Variants in TULP4 observed in about 807,000 individuals in gnomAD.
The protein encoded by TULP4 is tubby-related protein 4.
In TULP4, 16 loss-of-function variants were observed where a neutral mutation model predicts 129.0. That is an observed-to-expected ratio of 0.12 (90% CI 0.08 to 0.19). The LOEUF (loss-of-function observed/expected upper bound fraction) is 0.19. TULP4 is among the 10% of genes least tolerant of loss of function. The probability of loss-of-function intolerance (pLI) is 1.00; values close to 1 mark genes in which losing one functional copy is unlikely to be tolerated. For synonymous variants in TULP4, 998 were observed against 854.0 expected, an observed-to-expected ratio of 1.17 and a Z score of -2.94; for missense variants, 1,842 against 2,059.1, an observed-to-expected ratio of 0.89 and a Z score of 2.04.
At chr6:158,480,843 T>C (rs536853323) in intron 7 of TULP4, among the ~76,000 whole-genome samples, 1 of 152,326 alleles carries the variant, frequency 6.6e-6, no homozygotes, top group South Asian at 2.1e-4. Flanking sequence ...GGTTTAGATA[T>C]GCTTCGAAAG....
chr6:158,414,484 T>C (rs1382778952), intron 2 of TULP4, among the ~76,000 whole-genome samples: 2 of 103,864 alleles, frequency 1.9e-5, no homozygotes, highest in Non-Finnish European at 5.3e-5. Flanking sequence ...TTGCATCTTA[T>C]CACAGTGCCT....
At chr6:158,353,455 TTTTTGAAA>T (rs1476337897) in intron 1 of TULP4, among the ~76,000 whole-genome samples, 1 of 152,246 alleles carries the variant, frequency 6.6e-6, no homozygotes, top group Non-Finnish European at 1.5e-5. Context: ...TATGTATAAT[TTTTTGAAA>T]TTTTGAAACC....
At chr6:158,478,869 T>C (rs993323599) in intron 6 of TULP4, among the ~76,000 whole-genome samples, 4 of 152,218 alleles carry the variant, frequency 2.6e-5, no homozygotes, top group African/African-American at 9.6e-5. Flanking sequence ...TCAAAGATAA[T>C]GATGGCCATG....
intron 11 of TULP4, among the ~76,000 whole-genome samples, chr6:158,498,259 C>T (rs1780372835): frequency 6.6e-6 from 1 of 152,234 alleles, no homozygotes; most frequent in Admixed American, 6.5e-5. Flanking sequence ...CCAAGCTTCC[C>T]TTGTTTGGCA....
intron 1 of TULP4, among the ~76,000 whole-genome samples, chr6:158,355,034 A>G (rs1353657941): frequency 6.6e-6 from 1 of 152,134 alleles, no homozygotes; most frequent in African/African-American, 2.4e-5. Flanking sequence ...GGGATGATTC[A>G]GACCAGCTGA....
In TULP4 at chr6:158,419,245, A is replaced by T. The variant is rs565679532; in HGVS notation, c.381+6052A>T. 1.6e-4 allele frequency among the ~76,000 whole-genome samples: 24 copies of T among 152,284 alleles called. No individual in the cohort carries two copies. The South Asian group carries it at 4.6e-3, about 29-fold the overall frequency. On this transcript the variant is annotated intron_variant, in intron 2 of 13. Transcript: ENST00000367097. ...AACACAACATAAACCCATAACCCCT[A>T]CTTGAAAAACAGCAAGAAGTTCATG...
In TULP4 at chr6:158,382,583, T is replaced by A. The variant is rs1486993766; in HGVS notation, c.253-30482T>A. Among the ~76,000 whole-genome samples, 8 of 152,318 alleles carry A rather than the reference T, an allele frequency of 5.3e-5. No individual in the cohort carries two copies. The East Asian group carries it at 1.5e-3, about 29-fold the overall frequency. ...TTGCCTATTTGCTAGTTCATTTTGG[T>A]GAAATTACCTTCAATCACTGAGTCA... On this transcript the variant is annotated intron_variant, in intron 1 of 13. Coordinates refer to ENST00000367097, the MANE Select transcript of TULP4 (RefSeq NM_020245.5).
At chr6:158,260,819 CTTTTCTTTTT>C (rs1778338719) in intron 1 of TULP4, among the ~76,000 whole-genome samples, 2 of 144,376 alleles carry the variant, frequency 1.4e-5, no homozygotes, top group African/African-American at 5.1e-5. Context: ...CTTTTCTTTT[CTTTTCTTTTT>C]TTTTTTTGAG....
rs549372565 is a variant in TULP4, at chr6:158,381,004, T to G, written c.253-32061T>G. 3.9e-5 allele frequency among the ~76,000 whole-genome samples: 6 copies of G among 152,032 alleles called. No homozygotes were observed. The South Asian group carries it at 1.3e-3, about 32-fold the overall frequency. On this transcript the variant is annotated intron_variant, in intron 1 of 13. Coordinates refer to ENST00000367097, the MANE Select transcript of TULP4 (RefSeq NM_020245.5). ...GTGGTGGCATGCTGGTTCTGCCAACTTGGAAGGGGAGCCCTTCCGAGTCCC... is the reference window on the plus strand; with the variant it reads ...GTGGTGGCATGCTGGTTCTGCCAACGTGGAAGGGGAGCCCTTCCGAGTCCC...
At chr6:158,464,416 G>A (rs1242478522) in intron 6 of TULP4, among the ~76,000 whole-genome samples, 1 of 152,188 alleles carries the variant, frequency 6.6e-6, no homozygotes. Context: ...AAGGCTTGAA[G>A]TCAGGAGAAA....
chr6:158,403,788 T>TA (rs575630699), intron 1 of TULP4, among the ~76,000 whole-genome samples: 43 of 152,216 alleles, frequency 2.8e-4, no homozygotes, highest in Non-Finnish European at 4.0e-4. Flanking sequence ...AGATATCTTG[T>TA]AGTCAGTCAG....
rs57339398 is a variant in TULP4, at chr6:158,381,160, G to GT, written c.253-31894dup. The stretch of plus-strand genomic sequence containing the variant: ...GCAAGAAGATAGGTGCTTTATGGTT[G>GT]TTTTTTTTTTTAACTTAACACTGAG... On this transcript the variant is annotated intron_variant, in intron 1 of 13. Transcript: ENST00000367097. 8.3e-4 allele frequency among the ~76,000 whole-genome samples: 123 copies of GT among 148,670 alleles called. 1 individual carries two copies. Among genetic ancestry groups the GT allele is most frequent in the East Asian group, 2.4e-3 (12 of 5,042 alleles).
chr6:158,435,511 C>T lies in TULP4; in HGVS notation c.543+5614C>T, dbSNP rs996947228. Among the ~76,000 whole-genome samples the T allele has an allele frequency of 5.3e-5, 8 of 152,260 alleles. No homozygotes were observed. The South Asian group carries it at 8.3e-4, about 16-fold the overall frequency. On this transcript the variant is annotated intron_variant, in intron 3 of 13. Coordinates refer to ENST00000367097, the MANE Select transcript of TULP4 (RefSeq NM_020245.5). ...CTCCCATCGCTGTCATCTCCCTCCC[C>T]GGCTCTTACATGGCATGCCTTTCCA...
rs1780508931 is a variant in TULP4, at chr6:158,503,187, C to G, written c.3524C>G (p.Ala1175Gly). ...CCCTTCATCTCCCCCAAGTCTCCTG[C>G]CAGCCCCACTGCCACTTTCCAAACA... is the stretch of plus-strand genomic sequence containing the variant. ...RLPFISPKSPASPTATFQTGY... is the reference protein window; with the variant it reads ...RLPFISPKSPGSPTATFQTGY... The change falls in exon 13 of 14, where the codon GCC becomes GGC. Residue 1175 changes from alanine (A) to glycine (G), a missense_variant. Ala to Gly is a moderately conservative substitution (Grantham distance 60, BLOSUM62 0). Transcript: ENST00000367097. The surrounding 1 kb of genome is among the most constrained non-coding windows in gnomAD (Gnocchi z 4.3). 1 of 1,613,902 alleles carries G rather than the reference C, an allele frequency of 6.2e-7. No homozygotes were observed. The highest frequency in any genetic ancestry group is 2.2e-5 in the East Asian group (1 of 44,870).
intron 5 of TULP4, 82 bp downstream of exon 5, chr6:158,452,350 C>A: frequency 6.5e-7 from 1 of 1,534,470 alleles, no homozygotes; most frequent in Non-Finnish European, 8.8e-7. Flanking sequence ...ACACTCTGTG[C>A]TTACTGATTC....
intron 1 of TULP4, among the ~76,000 whole-genome samples, chr6:158,366,421 G>A (rs931861743): frequency 3.3e-5 from 5 of 152,234 alleles, no homozygotes; most frequent in East Asian, 3.9e-4. Context: ...TTTTCCCTTC[G>A]AAGGCTGCAG....
intron 1 of TULP4, among the ~76,000 whole-genome samples, chr6:158,377,397 AT>A (rs1777216973): frequency 6.6e-6 from 1 of 152,260 alleles, no homozygotes; most frequent in Non-Finnish European, 1.5e-5. Context: ...AGACACTCTT[AT>A]CCCCATTGCT....
chr6:158,467,856 A>G (rs2115208772), intron 6 of TULP4, among the ~76,000 whole-genome samples: 1 of 152,282 alleles, frequency 6.6e-6, no homozygotes, highest in East Asian at 1.9e-4. Context: ...ATCTTGGCTC[A>G]TGGCAGTCTC....
chr6:158,498,794 G>T lies in TULP4; in HGVS notation c.1996G>T (p.Asp666Tyr). 1 of 1,614,164 alleles carries T rather than the reference G, an allele frequency of 6.2e-7. No homozygotes were observed. Among genetic ancestry groups the T allele is most frequent in the Non-Finnish European group, 8.5e-7 (1 of 1,180,018 alleles). Residue 666 changes from aspartate (D) to tyrosine (Y), a missense_variant, in exon 12 of 14, where the codon GAT (aspartate) becomes TAT (tyrosine). Asp to Tyr is a radical substitution (Grantham distance 160, BLOSUM62 -3). Transcript: ENST00000367097. ...CTTCAACCCAAATGTTTTCAGTGAA[G>T]ATGAAGATGATTTACCAGGTGTGTT... ...PVFNPNVFSE[D>Y]EDDLPVTGAS...
Sources: allele counts gnomAD v4.1 joint callset (sites outside exome capture counted in the v4.1 genomes callset), GRCh38; gene constraint gnomAD v4.1.1; non-coding constraint Gnocchi (gnomAD v3.1); transcripts MANE v1.5; gene names NCBI Gene and HGNC (gene_info 2026-07-23, HGNC 2026-07-21).